CGGBP1: variants seen among roughly 807,000 people sequenced by gnomAD.
The protein encoded by CGGBP1 is CGG triplet repeat-binding protein 1.
CGGBP1 carries 4 observed loss-of-function variants against 11.4 expected under a neutral mutation model. The ratio of observed to expected loss-of-function variants is 0.35; its 90% CI spans 0.17 to 0.80. CGGBP1 has a LOEUF of 0.80. Ranked by LOEUF, CGGBP1 falls within the 30% of genes least tolerant of loss-of-function variation. The probability of loss-of-function intolerance (pLI) is 0.52; values close to 1 mark genes in which losing one functional copy is unlikely to be tolerated. For synonymous variants in CGGBP1, 76 were observed against 74.1 expected, an observed-to-expected ratio of 1.03 and a Z score of -0.13; for missense variants, 135 against 202.1, an observed-to-expected ratio of 0.67 and a Z score of 2.01.
chr3:88,113,973 G>A (rs147901853), intron 2 of CGGBP1, among the ~76,000 whole-genome samples: 1 of 152,198 alleles, frequency 6.6e-6, no homozygotes, highest in Non-Finnish European at 1.5e-5. Context: ...GTTCCAATTA[G>A]AGTATATATT....
intron 2 of CGGBP1, among the ~76,000 whole-genome samples, chr3:88,111,970 C>G (rs1393860307): frequency 1.3e-5 from 2 of 151,862 alleles, no homozygotes; most frequent in South Asian, 4.1e-4. Context: ...GAAATATTCT[C>G]TTGCAGTTTT....
intron 1 of CGGBP1, among the ~76,000 whole-genome samples, chr3:88,144,995 G>A (rs1383022321): frequency 2.0e-5 from 3 of 151,976 alleles, no homozygotes; most frequent in Non-Finnish European, 4.4e-5. Context: ...GGAACTCTCC[G>A]AAGTCAAGAC....
chr3:88,068,002 C>T (rs957567805), intron 2 of CGGBP1, among the ~76,000 whole-genome samples: 1 of 151,764 alleles, frequency 6.6e-6, no homozygotes, highest in Non-Finnish European at 1.5e-5. Context: ...TATTATAAGA[C>T]CCCTGAAGGG....
chr3:88,059,222 A>G, upstream of CGGBP1: 1 of 1,488,690 alleles, frequency 6.7e-7, no homozygotes, highest in East Asian at 2.5e-5. Flanking sequence ...GGGAGGAGGG[A>G]AGGGGGAGGG....
At chr3:88,139,156 A>T in intron 2 of CGGBP1, 1 of 1,329,808 alleles carries the variant, frequency 7.5e-7, no homozygotes, top group Non-Finnish European at 9.6e-7. Context: ...CAAGGTTTGG[A>T]TGAAGGGTTT....
intron 2 of CGGBP1, chr3:88,140,683 A>G (rs754759360): frequency 6.2e-7 from 1 of 1,613,766 alleles, no homozygotes; most frequent in East Asian, 2.2e-5. Context: ...ATCAGGACAG[A>G]AAATGGTTCC....
chr3:88,079,142 T>C (rs9829873), intron 2 of CGGBP1, among the ~76,000 whole-genome samples: 119,021 of 151,924 alleles, frequency 0.78, 47,536 homozygotes, highest in South Asian at 0.91. Context: ...CAACCTAAAG[T>C]AACTTCAGGC....
chr3:88,139,285 A>G (rs1447629804), intron 2 of CGGBP1: 6 of 1,563,406 alleles, frequency 3.8e-6, no homozygotes, highest in Non-Finnish European at 3.4e-6. Context: ...TCCAAAGTAG[A>G]TCACAATGTC....
At chr3:88,080,265 T>C (rs1708012016) in intron 2 of CGGBP1, among the ~76,000 whole-genome samples, 1 of 152,120 alleles carries the variant, frequency 6.6e-6, no homozygotes, top group Non-Finnish European at 1.5e-5. Flanking sequence ...TTGTAATTAA[T>C]CATACTTGGA....
chr3:88,060,883 G>A (rs1991659), upstream of CGGBP1, among the ~76,000 whole-genome samples: 119,055 of 151,962 alleles, frequency 0.78, 47,552 homozygotes, highest in South Asian at 0.91. Context: ...TTTCAGGTAA[G>A]TTTTTAATGC....
chr3:88,088,074 T>C (rs1708430330), intron 2 of CGGBP1, among the ~76,000 whole-genome samples: 1 of 152,194 alleles, frequency 6.6e-6, no homozygotes, highest in Admixed American at 6.5e-5. Flanking sequence ...TAAGGGACAC[T>C]CAACCTATAC....
intron 2 of CGGBP1, among the ~76,000 whole-genome samples, chr3:88,123,031 AAAG>A (rs1349431433): frequency 7.3e-5 from 11 of 151,704 alleles, no homozygotes; most frequent in African/African-American, 2.7e-4. Flanking sequence ...AAAAAAGTAA[AAAG>A]AAAAAAAGAA....
chr3:88,116,581 C>T (rs1705416708), intron 2 of CGGBP1, among the ~76,000 whole-genome samples: 1 of 150,642 alleles, frequency 6.6e-6, no homozygotes, highest in Admixed American at 6.6e-5. Context: ...CACACACATG[C>T]ACATATATTA....
upstream of CGGBP1, chr3:88,059,270 G>C: frequency 6.6e-7 from 1 of 1,526,696 alleles, no homozygotes. Context: ...AGGCATCTAC[G>C]GCGGCGGCGG....
chr3:88,121,392 A>T (rs1189764460), intron 2 of CGGBP1, among the ~76,000 whole-genome samples: 1 of 152,180 alleles, frequency 6.6e-6, no homozygotes, highest in Non-Finnish European at 1.5e-5. Context: ...AACAGCAATC[A>T]TGTAATAAAT....
At chr3:88,111,422 C>T (rs1215240947) in intron 2 of CGGBP1, among the ~76,000 whole-genome samples, 2 of 151,826 alleles carry the variant, frequency 1.3e-5, no homozygotes, top group Non-Finnish European at 2.9e-5. Context: ...CCCCTCACCT[C>T]CATTCCCATT....
chr3:88,059,736 T>C (rs1706740464), upstream of CGGBP1, among the ~76,000 whole-genome samples: 1 of 151,868 alleles, frequency 6.6e-6, no homozygotes, highest in Admixed American at 6.6e-5. Context: ...TTGTCGGGGA[T>C]GGAGGGGCTG....
intron 2 of CGGBP1, among the ~76,000 whole-genome samples, chr3:88,073,211 T>G (rs1191999835): frequency 2.6e-5 from 4 of 152,106 alleles, no homozygotes; most frequent in Non-Finnish European, 5.9e-5. Flanking sequence ...AATCCGGAAC[T>G]GTGGGACTAG....
At position 88,053,946 on chromosome 3, in the gene CGGBP1, GAAAACAAATCTCTGAAGTC is replaced by G. The variant is rs1706485272; in HGVS notation, c.*1508_*1526del. 2 of 152,490 alleles carry G rather than the reference GAAAACAAATCTCTGAAGTC, an allele frequency of 1.3e-5. No individual in the cohort carries two copies. Among genetic ancestry groups the G allele is most frequent in the Non-Finnish European group, 2.9e-5 (2 of 67,946 alleles). 9.4% of individuals were successfully genotyped at this position (152,490 alleles called of 1,614,324 possible). On this transcript the variant is annotated 3_prime_UTR_variant, in exon 4 of 4. Transcript: ENST00000482016. The stretch of plus-strand genomic sequence containing the variant: ...TTTGGCGGCAGGCTTATTTTTTAAT[GAAAACAAATCTCTGAAGTC>G]AAATGGCCAGTTTGACAACCTGAAT...
Sources: allele counts gnomAD v4.1 joint callset (sites outside exome capture counted in the v4.1 genomes callset), GRCh38; gene constraint gnomAD v4.1.1; transcripts MANE v1.5; gene names NCBI Gene and HGNC (gene_info 2026-07-23, HGNC 2026-07-21).